ZSWIM3: variants seen among roughly 807,000 people sequenced by gnomAD.
ZSWIM3 encodes the protein zinc finger SWIM-type containing 3.
ZSWIM3 carries 27 observed loss-of-function variants against 47.5 expected under a neutral mutation model. The ratio of observed to expected loss-of-function variants is 0.57; its 90% CI spans 0.42 to 0.78. The LOEUF (loss-of-function observed/expected upper bound fraction) is 0.78, where lower values mean the gene tolerates loss of function less well. Among genes scored for constraint, ZSWIM3 ranks in the 30% least tolerant of loss-of-function variants. ZSWIM3 has a pLI of 0.00. For synonymous variants in ZSWIM3, 333 were observed against 333.9 expected (o/e 1.00, Z 0.03); for missense variants, 689 against 861.3 (o/e 0.80, Z 2.50).
In ZSWIM3 at chr20:45,875,619, A is replaced by G. The variant is rs150963743; in HGVS notation, c.156-1095A>G. ...CAGGTTCAAGGGATTCTCCTGCCTC[A>G]GCCTCCCGAGTAGCTGGGATTACAG... On this transcript the variant is annotated intron_variant, in intron 1 of 1. Coordinates refer to ENST00000255152, the MANE Select transcript of ZSWIM3 (RefSeq NM_080752.4). 8.0e-3 allele frequency among the ~76,000 whole-genome samples: 1,219 copies of G among 152,078 alleles called. 6 individuals carry two copies. Among genetic ancestry groups the G allele is most frequent in the Admixed American group, 0.015 (229 of 15,238 alleles).
At chr20:45,873,594 G>C (rs1320747544) in intron 1 of ZSWIM3, among the ~76,000 whole-genome samples, 1 of 152,164 alleles carries the variant, frequency 6.6e-6, no homozygotes, top group Non-Finnish European at 1.5e-5. Context: ...ACAAAAGGCT[G>C]AATCAGGCTT....
chr20:45,876,397 G>A (rs1986093555), intron 1 of ZSWIM3, among the ~76,000 whole-genome samples: 1 of 151,930 alleles, frequency 6.6e-6, no homozygotes, highest in African/African-American at 2.4e-5. Flanking sequence ...GGAGTGCAGT[G>A]GCATGAACAT....
chr20:45,859,078 A>C (rs762089613), intron 1 of ZSWIM3, among the ~76,000 whole-genome samples: 92 of 152,332 alleles, frequency 6.0e-4, no homozygotes, highest in Middle Eastern at 3.4e-3. Flanking sequence ...CCATATGAAA[A>C]TAAAGATCTA....
At chr20:45,862,658 ATTG>A (rs1215092486) in intron 1 of ZSWIM3, among the ~76,000 whole-genome samples, 3 of 151,948 alleles carry the variant, frequency 2.0e-5, no homozygotes, top group South Asian at 2.1e-4. Flanking sequence ...CGCCTGGCTA[ATTG>A]TTGTATTTTT....
chr20:45,857,924 C>G lies in ZSWIM3; in HGVS notation c.99C>G (p.Cys33Trp). 1 of 1,608,212 alleles carries G rather than the reference C, an allele frequency of 6.2e-7. No individual in the cohort carries two copies. Among genetic ancestry groups the G allele is most frequent in the Non-Finnish European group, 8.5e-7 (1 of 1,176,926 alleles). The change falls in exon 1 of 2, where the codon TGC becomes TGG. Residue 33 changes from cysteine to tryptophan, a missense_variant. Coordinates refer to ENST00000255152, the MANE Select transcript of ZSWIM3 (RefSeq NM_080752.4). ...GGTGCTCCTTCATTCTCAGGGACTGCGTCTCCGTCCGCTTCCACAACCTCA... is the reference window on the plus strand; with the variant it reads ...GGTGCTCCTTCATTCTCAGGGACTGGGTCTCCGTCCGCTTCCACAACCTCA... ...ENRCSFILRD[C>W]VSVRFHNLNH...
At chr20:45,872,117 G>C (rs2145791048) in intron 1 of ZSWIM3, among the ~76,000 whole-genome samples, 1 of 152,274 alleles carries the variant, frequency 6.6e-6, no homozygotes, top group East Asian at 1.9e-4. Flanking sequence ...CTTTAAGCTT[G>C]TTTTCCCATC....
intron 1 of ZSWIM3, among the ~76,000 whole-genome samples, chr20:45,865,188 G>A (rs1438310773): frequency 2.0e-5 from 3 of 151,656 alleles, no homozygotes; most frequent in Non-Finnish European, 4.4e-5. Context: ...GTGTGGTGGC[G>A]CACACCTGCA....
At chr20:45,870,102 G>A (rs1169146276) in intron 1 of ZSWIM3, among the ~76,000 whole-genome samples, 1 of 150,534 alleles carries the variant, frequency 6.6e-6, no homozygotes, top group Non-Finnish European at 1.5e-5. Flanking sequence ...CTAGCACTTT[G>A]GGAGGCTAAG....
At chr20:45,860,546 C>T (rs117426826) in intron 1 of ZSWIM3, among the ~76,000 whole-genome samples, 4,335 of 149,474 alleles carry the variant, frequency 0.029, 100 homozygotes, top group Non-Finnish European at 0.044. Flanking sequence ...GAATCCTTTT[C>T]CTTTCCTTTT....
Position 45,878,810 on chromosome 20 carries a change from C to A in ZSWIM3, c.*161C>A. On this transcript the variant is annotated 3_prime_UTR_variant, in exon 2 of 2. Coordinates refer to ENST00000255152, the MANE Select transcript of ZSWIM3 (RefSeq NM_080752.4). ...AGAGGAAGGGAACTCCACTGTGTGA[C>A]AGTCCTTTCAATCTGCCCCTTTTCA... 1 of 942,922 alleles carries A rather than the reference C, an allele frequency of 1.1e-6. No individual in the cohort carries two copies. The highest frequency in any genetic ancestry group is 1.5e-6 in the Non-Finnish European group (1 of 659,604). 58.4% of individuals were successfully genotyped at this position (942,922 alleles called of 1,614,324 possible).
chr20:45,857,738 A>G lies in ZSWIM3; in HGVS notation c.-88A>G. The G allele has an allele frequency of 6.6e-7, 1 of 1,506,302 alleles. No individual in the cohort carries two copies. Among genetic ancestry groups the G allele is most frequent in the Non-Finnish European group, 9.0e-7 (1 of 1,113,686 alleles). 93.3% of individuals were successfully genotyped at this position (1,506,302 alleles called of 1,614,324 possible). A position where few individuals can be genotyped will look rare whatever the true frequency, so the allele number is the denominator to read the frequency against. On this transcript the variant is annotated 5_prime_UTR_variant, in exon 1 of 2. Coordinates refer to ENST00000255152, the MANE Select transcript of ZSWIM3 (RefSeq NM_080752.4). ...AGGCATTCTGGGCCCACGCCTGCCT[A>G]TAAACCCTCATAGTGTGACCTTTGA...
At chr20:45,866,291 C>A (rs56272887) in intron 1 of ZSWIM3, among the ~76,000 whole-genome samples, 2 of 151,994 alleles carry the variant, frequency 1.3e-5, no homozygotes, top group Admixed American at 1.3e-4. Flanking sequence ...GAGCGAGACT[C>A]CATCTCAAAA....
At chr20:45,867,178 T>C (rs576062142) in intron 1 of ZSWIM3, among the ~76,000 whole-genome samples, 1 of 152,114 alleles carries the variant, frequency 6.6e-6, no homozygotes, top group East Asian at 1.9e-4. Flanking sequence ...AGCTAATTTT[T>C]GTAGTTTTAG....
chr20:45,865,177 G>A (rs992298934), intron 1 of ZSWIM3, among the ~76,000 whole-genome samples: 1 of 152,058 alleles, frequency 6.6e-6, no homozygotes, highest in Non-Finnish European at 1.5e-5. Flanking sequence ...AGAATAGCTG[G>A]GTGTGGTGGC....
At position 45,877,447 on chromosome 20, in the gene ZSWIM3, A is replaced by G; in HGVS notation, c.889A>G (p.Ile297Val). The stretch of plus-strand genomic sequence containing the variant: ...CCATTACCGGGCTATCCTGCAGGAG[A>G]TCTTTCCTGCTGCCCGCATCCTCCT... ...SFHYRAILQE[I>V]FPAARILLSI... The change falls in exon 2 of 2, where the codon ATC (isoleucine) becomes GTC (valine). Residue 297 changes from isoleucine (I) to valine (V), a missense_variant. Ile to Val is a conservative substitution (Grantham distance 29). Transcript: ENST00000255152. 2 of 1,614,086 alleles carry G rather than the reference A, an allele frequency of 1.2e-6. No homozygotes were observed. Among genetic ancestry groups the G allele is most frequent in the Non-Finnish European group, 1.7e-6 (2 of 1,180,012 alleles).
intron 1 of ZSWIM3, among the ~76,000 whole-genome samples, chr20:45,865,058 C>T (rs1985804141): frequency 6.6e-6 from 1 of 152,004 alleles, no homozygotes; most frequent in African/African-American, 2.4e-5. Context: ...GTGGCTCACA[C>T]CTGTAATCCC....
chr20:45,873,123 CG>C (rs747573939), intron 1 of ZSWIM3, among the ~76,000 whole-genome samples: 75 of 152,202 alleles, frequency 4.9e-4, no homozygotes, highest in Non-Finnish European at 9.4e-4. Flanking sequence ...TCTGCTGAGC[CG>C]GGCGCAGTTG....
chr20:45,872,736 C>G (rs1270336864), intron 1 of ZSWIM3: 1 of 1,289,360 alleles, frequency 7.8e-7, no homozygotes, highest in East Asian at 5.5e-5. Flanking sequence ...GTGGTCACCC[C>G]TCACTGGCCT....
rs771720924 is a variant in ZSWIM3 at position 45,877,059 on chromosome 20, T to G, written c.501T>G (p.Thr167=). 21 of 1,614,066 alleles carry G rather than the reference T, an allele frequency of 1.3e-5. No individual in the cohort carries two copies. The highest frequency in any genetic ancestry group is 1.8e-5 in the Non-Finnish European group (21 of 1,180,048). Residue 167 remains threonine, a synonymous_variant, in exon 2 of 2, where the codon ACT becomes ACG. Coordinates refer to ENST00000255152, the MANE Select transcript of ZSWIM3 (RefSeq NM_080752.4). ...CAAAGCCAGAGCAGGAAGGCATCAC[T>G]CCTTCTGACCTGGCCAAGATAGCAA... ...VSSKPEQEGI[T]PSDLAKIAKV... is the part of the protein sequence containing the mutation.
Sources: gnomAD v4.1 joint callset for allele counts (sites outside exome capture counted in the v4.1 genomes callset) on GRCh38, gnomAD v4.1.1 for gene constraint, MANE v1.5 for transcripts, NCBI Gene and HGNC (gene_info 2026-07-23, HGNC 2026-07-21) for gene names.